C12orf42: variants seen among roughly 807,000 people sequenced by gnomAD.
C12orf42 encodes uncharacterized protein C12orf42.
C12orf42 carries 25 observed loss-of-function variants against 21.6 expected under a neutral mutation model. The observed-to-expected ratio is 1.16, with a 90% CI of 0.84 to 1.62. The LOEUF (loss-of-function observed/expected upper bound fraction) is 1.62, where lower values mean the gene tolerates loss of function less well. C12orf42 is among the 40% of genes most tolerant of loss of function. The pLI is 0.00. For synonymous variants in C12orf42, 174 were observed against 175.0 expected (o/e 0.99, Z 0.05); for missense variants, 483 against 459.3 (o/e 1.05, Z -0.47).
chr12:103,161,949 C>T, the C12orf42 span, among the ~76,000 whole-genome samples: 384 of 152,212 alleles, frequency 2.5e-3, 1 homozygote, highest in African/African-American at 8.9e-3. Flanking sequence ...GTTTGTTTTC[C>T]CCTCTCGCAC....
chr12:103,204,311 T>C, the C12orf42 span, among the ~76,000 whole-genome samples: 1 of 152,212 alleles, frequency 6.6e-6, no homozygotes, highest in Non-Finnish European at 1.5e-5. Flanking sequence ...CATCAGTCCA[T>C]TAACTCATTT....
At chr12:103,433,581 C>A (rs1232287254) in intron 2 of C12orf42, among the ~76,000 whole-genome samples, 2 of 152,124 alleles carry the variant, frequency 1.3e-5, no homozygotes, top group Non-Finnish European at 2.9e-5. Flanking sequence ...AATAGAAGAA[C>A]AAGTTAAAGA....
In C12orf42 at chr12:103,495,539, C is replaced by T. The variant is rs376378871; in HGVS notation, c.-22+363G>A. Among the ~76,000 whole-genome samples the T allele has an allele frequency of 7.4e-4, 112 of 152,122 alleles. 1 individual carries two copies. In the East Asian group the frequency reaches 0.016, roughly 21 times the overall value. ...GCGCATTGTGGGCCGCGCTCGCCTC[C>T]GCGGGGGACCATCTGCTCGCTGTCA... On this transcript the variant is annotated intron_variant, in intron 1 of 5. Transcript: ENST00000548883.
At chr12:103,552,027 T>A in the C12orf42 span, among the ~76,000 whole-genome samples, 4 of 146,858 alleles carry the variant, frequency 2.7e-5, no homozygotes, top group African/African-American at 1.0e-4. Context: ...CTGTGATATG[T>A]TGACCTTTTT....
chr12:103,095,976 G>A, the C12orf42 span, among the ~76,000 whole-genome samples: 1 of 152,132 alleles, frequency 6.6e-6, no homozygotes, highest in Non-Finnish European at 1.5e-5. Flanking sequence ...GGTTGAGGTG[G>A]GGTGCTGAAG....
At chr12:103,462,779 A>G (rs905056071) in intron 2 of C12orf42, among the ~76,000 whole-genome samples, 2 of 152,174 alleles carry the variant, frequency 1.3e-5, no homozygotes, top group African/African-American at 4.8e-5. Flanking sequence ...TCAAGAACAA[A>G]TGGTAGGGTC....
chr12:103,150,613 A>C, the C12orf42 span, among the ~76,000 whole-genome samples: 1 of 152,180 alleles, frequency 6.6e-6, no homozygotes, highest in African/African-American at 2.4e-5. Flanking sequence ...ATTCCAGTAC[A>C]TGCATCTACT....
chr12:103,448,323 C>A (rs980470890), intron 2 of C12orf42, among the ~76,000 whole-genome samples: 2 of 152,054 alleles, frequency 1.3e-5, no homozygotes, highest in African/African-American at 4.8e-5. Flanking sequence ...AATCTAAGAC[C>A]TGAAACCATA....
intron 4 of C12orf42, among the ~76,000 whole-genome samples, chr12:103,330,137 T>C (rs2137036110): frequency 6.6e-6 from 1 of 152,284 alleles, no homozygotes; most frequent in East Asian, 1.9e-4. Context: ...AATATCTTTC[T>C]TCACATTCAG....
intron 1 of C12orf42, among the ~76,000 whole-genome samples, chr12:103,486,455 C>T (rs1007677681): frequency 2.6e-5 from 4 of 151,636 alleles, no homozygotes; most frequent in African/African-American, 7.3e-5. Flanking sequence ...GTTTTGGTAT[C>T]GGGATAATGC....
chr12:103,463,362 G>T (rs890372898), intron 2 of C12orf42, among the ~76,000 whole-genome samples: 22 of 152,146 alleles, frequency 1.4e-4, no homozygotes, highest in African/African-American at 5.3e-4. Context: ...AAACAGACTA[G>T]AATGGAATCA....
intron 4 of C12orf42, among the ~76,000 whole-genome samples, chr12:103,362,463 C>CA (rs1491405920): frequency 9.9e-5 from 15 of 152,088 alleles, no homozygotes; most frequent in Admixed American, 7.9e-4. Flanking sequence ...TACCACCCCC[C>CA]AAAAAAATCA....
At chr12:103,505,365 GA>G in the C12orf42 span, 1 of 302,754 alleles carries the variant, frequency 3.3e-6, no homozygotes, top group Non-Finnish European at 6.2e-6. Context: ...TAAGGGAGAG[GA>G]AAATAAGAAG....
At chr12:103,275,740 A>ATT (rs202030025) in intron 5 of C12orf42, among the ~76,000 whole-genome samples, 5,760 of 139,708 alleles carry the variant, frequency 0.041, 335 homozygotes, top group African/African-American at 0.14. Context: ...ATCAAGTAGG[A>ATT]TTTTTTTTTT....
the C12orf42 span, among the ~76,000 whole-genome samples, chr12:103,507,176 T>TA: frequency 8.1e-5 from 2 of 24,764 alleles, no homozygotes; most frequent in Non-Finnish European, 1.0e-4. Flanking sequence ...TATATATTTA[T>TA]ATTATATATA....
chr12:103,277,141 G>A (rs374765625), intron 5 of C12orf42: 13 of 455,668 alleles, frequency 2.9e-5, no homozygotes, highest in South Asian at 1.7e-4. Flanking sequence ...CATACCAAAC[G>A]ATACTCACTC....
At chr12:103,247,358 A>G (rs1396965922) in intron 10 of C12orf42, among the ~76,000 whole-genome samples, 1 of 151,984 alleles carries the variant, frequency 6.6e-6, no homozygotes, top group Non-Finnish European at 1.5e-5. Flanking sequence ...AGACCTCATA[A>G]AACAGCATGA....
chr12:103,515,305 A>T, the C12orf42 span, among the ~76,000 whole-genome samples: 12 of 152,226 alleles, frequency 7.9e-5, no homozygotes, highest in African/African-American at 2.9e-4. Flanking sequence ...AGGTAAAAAA[A>T]TGCATAGTGA....
the C12orf42 span, among the ~76,000 whole-genome samples, chr12:103,188,241 T>G: frequency 6.6e-6 from 1 of 152,240 alleles, no homozygotes; most frequent in Non-Finnish European, 1.5e-5. Context: ...TTGATTCCTT[T>G]TTATTTTTTT....
Sources: allele counts gnomAD v4.1 joint callset (sites outside exome capture counted in the v4.1 genomes callset), GRCh38; gene constraint gnomAD v4.1.1; transcripts MANE v1.5; gene names NCBI Gene and HGNC (gene_info 2026-07-23, HGNC 2026-07-21).